The following ATP2B1 variants were observed in gnomAD, a reference collection of about 807,000 sequenced individuals.
ATP2B1 encodes the protein ATPase plasma membrane Ca2+ transporting 1, also known as plasma membrane calcium-transporting ATPase 1.
ATP2B1 carries 14 observed loss-of-function variants against 124.2 expected under a neutral mutation model. The observed-to-expected ratio is 0.11, with a 90% CI of 0.07 to 0.18. ATP2B1 has a LOEUF of 0.18. Ranked by LOEUF, ATP2B1 falls within the 10% of genes least tolerant of loss-of-function variation. The pLI is 1.00. For missense variants in ATP2B1, 763 were observed against 1,466.1 expected, an observed-to-expected ratio of 0.52 and a Z score of 7.83; for synonymous variants, 449 against 492.4, an observed-to-expected ratio of 0.91 and a Z score of 1.17.
intron 3 of ATP2B1, among the ~76,000 whole-genome samples, chr12:89,637,544 G>A (rs973997654): frequency 7.3e-5 from 11 of 151,628 alleles, no homozygotes; most frequent in South Asian, 4.2e-4. Flanking sequence ...ACCACAAGGC[G>A]CATGCCACCA....
chr12:89,592,263 G>C (rs1873721892), intron 20 of ATP2B1, among the ~76,000 whole-genome samples: 1 of 151,998 alleles, frequency 6.6e-6, no homozygotes, highest in Non-Finnish European at 1.5e-5. Context: ...CATTTACTAT[G>C]TATCAATTCA....
chr12:89,705,849 T>TAAAGATA (rs1892387650), intron 1 of ATP2B1, among the ~76,000 whole-genome samples: 1 of 152,172 alleles, frequency 6.6e-6, no homozygotes, highest in East Asian at 1.9e-4. Flanking sequence ...TACAGCTCAA[T>TAAAGATA]AGCCAATGCT....
chr12:89,657,630 A>G (rs556392415), intron 1 of ATP2B1, among the ~76,000 whole-genome samples: 2 of 152,244 alleles, frequency 1.3e-5, no homozygotes, highest in Non-Finnish European at 2.9e-5. Context: ...ACTTCAGCAT[A>G]TATCAGAATC....
chr12:89,698,934 G>A (rs1891499887), intron 1 of ATP2B1, among the ~76,000 whole-genome samples: 1 of 152,198 alleles, frequency 6.6e-6, no homozygotes, highest in East Asian at 1.9e-4. Context: ...TGTATTCCCA[G>A]TGTGCATAGC....
intron 1 of ATP2B1, among the ~76,000 whole-genome samples, chr12:89,705,491 GA>G (rs993641601): frequency 1.6e-4 from 24 of 151,942 alleles, no homozygotes; most frequent in African/African-American, 5.8e-4. Flanking sequence ...AAATGTAAGG[GA>G]AAAAAACCAA....
chr12:89,646,433 C>T (rs1043797196), intron 2 of ATP2B1, among the ~76,000 whole-genome samples: 1 of 152,060 alleles, frequency 6.6e-6, no homozygotes, highest in Non-Finnish European at 1.5e-5. Context: ...TCAAATAGGG[C>T]AAGAGGAGCC....
chr12:89,633,243 A>G (rs1359400889), intron 5 of ATP2B1, among the ~76,000 whole-genome samples: 4 of 152,098 alleles, frequency 2.6e-5, no homozygotes, highest in African/African-American at 9.6e-5. Flanking sequence ...ATAAATGACA[A>G]CCACACCAAT....
intron 2 of ATP2B1, among the ~76,000 whole-genome samples, chr12:89,650,695 T>C (rs972759954): frequency 1.3e-5 from 2 of 152,176 alleles, no homozygotes; most frequent in African/African-American, 4.8e-5. Flanking sequence ...TTTATAAAAA[T>C]GAATTCCTTT....
chr12:89,623,135 C>CA (rs924939998), intron 9 of ATP2B1, among the ~76,000 whole-genome samples: 1 of 151,274 alleles, frequency 6.6e-6, no homozygotes, highest in African/African-American at 2.4e-5. Flanking sequence ...AAACAGTAAG[C>CA]AAAAAAAATT....
At chr12:89,667,165 A>C (rs1045525957) in intron 1 of ATP2B1, among the ~76,000 whole-genome samples, 2 of 152,000 alleles carry the variant, frequency 1.3e-5, no homozygotes, top group Non-Finnish European at 2.9e-5. Context: ...CTGTCCACAC[A>C]CTACTAAGAT....
At chr12:89,606,425 T>C (rs1001591002) in intron 15 of ATP2B1, among the ~76,000 whole-genome samples, 1 of 152,224 alleles carries the variant, frequency 6.6e-6, no homozygotes, top group Non-Finnish European at 1.5e-5. Context: ...ATAGAACTAC[T>C]TGACCTTTTA....
intron 5 of ATP2B1, among the ~76,000 whole-genome samples, chr12:89,634,010 C>T (rs950830560): frequency 6.6e-6 from 1 of 152,056 alleles, no homozygotes; most frequent in Admixed American, 6.6e-5. Flanking sequence ...TTCTCTCATT[C>T]AGTGTTTTGG....
intron 1 of ATP2B1, among the ~76,000 whole-genome samples, chr12:89,670,272 A>G (rs746570717): frequency 6.6e-6 from 1 of 152,236 alleles, no homozygotes; most frequent in African/African-American, 2.4e-5. Flanking sequence ...TCTTTTCTAA[A>G]TAATAATAAA....
At chr12:89,638,012 C>T (rs1291696778) in intron 3 of ATP2B1, among the ~76,000 whole-genome samples, 2 of 151,324 alleles carry the variant, frequency 1.3e-5, no homozygotes, top group Admixed American at 6.6e-5. Context: ...CTACATCATA[C>T]AGATAAGACC....
At position 89,626,585 on chromosome 12, in the gene ATP2B1, A is replaced by C; in HGVS notation, c.998T>G (p.Met333Arg). ...ACCTTCTTCACTCTTCAATGGCTGC[A>C]TTTCCATGGCTGCACCATCCTGGGC... ...AKAQDGAAMEMQPLKSEEGGD... is the reference protein window; with the variant it reads ...AKAQDGAAMERQPLKSEEGGD... The change falls in exon 8 of 21, where the codon ATG becomes AGG. Residue 333 changes from methionine to arginine, a missense_variant. Physicochemically the swap from Met to Arg is moderately conservative, Grantham distance 91. Transcript: ENST00000428670. 1 of 1,612,006 alleles carries C rather than the reference A, an allele frequency of 6.2e-7. No homozygotes were observed. Among genetic ancestry groups the C allele is most frequent in the Non-Finnish European group, 8.5e-7 (1 of 1,179,480 alleles).
chr12:89,610,934 C>T (rs1877892817), intron 13 of ATP2B1, among the ~76,000 whole-genome samples: 2 of 152,148 alleles, frequency 1.3e-5, no homozygotes, highest in Non-Finnish European at 2.9e-5. Flanking sequence ...ACATACTGTA[C>T]TTCTGAAATT....
chr12:89,654,278 C>A (rs1885677449), intron 2 of ATP2B1, among the ~76,000 whole-genome samples: 1 of 152,148 alleles, frequency 6.6e-6, no homozygotes, highest in Non-Finnish European at 1.5e-5. Flanking sequence ...CTATTCAAGT[C>A]CATGGGAACT....
At chr12:89,633,293 CTTTTTTT>C (rs775680910) in intron 5 of ATP2B1, among the ~76,000 whole-genome samples, 5 of 151,224 alleles carry the variant, frequency 3.3e-5, no homozygotes, top group African/African-American at 9.7e-5. Flanking sequence ...GTTCTTTTTT[CTTTTTTT>C]TAAATTTTAT....
At chr12:89,637,498 A>G (rs1488185958) in intron 3 of ATP2B1, among the ~76,000 whole-genome samples, 3 of 151,734 alleles carry the variant, frequency 2.0e-5, no homozygotes, top group Non-Finnish European at 4.4e-5. Flanking sequence ...TGCATGCTCA[A>G]GCAATCTTCC....
Sources: allele counts gnomAD v4.1 joint callset (sites outside exome capture counted in the v4.1 genomes callset), GRCh38; gene constraint gnomAD v4.1.1; transcripts MANE v1.5; gene names NCBI Gene and HGNC (gene_info 2026-07-23, HGNC 2026-07-21).